Variants in ZFHX3 observed in about 807,000 individuals in gnomAD.
ZFHX3 encodes the protein zinc finger homeobox protein 3.
A neutral mutation model predicts 279.1 loss-of-function variants in ZFHX3; 42 were observed. That is an observed-to-expected ratio of 0.15 (90% CI 0.12 to 0.19). The LOEUF is 0.19. ZFHX3 is among the 10% of genes least tolerant of loss of function. The pLI is 1.00. For synonymous variants in ZFHX3, 2,293 were observed against 1,957.8 expected (o/e 1.17, Z -4.52); for missense variants, 4,981 against 4,754.0 (o/e 1.05, Z -1.40).
chr16:73,118,330 T>C (rs975271044), intron 7 of ZFHX3, among the ~76,000 whole-genome samples: 1 of 152,182 alleles, frequency 6.6e-6, no homozygotes, highest in Non-Finnish European at 1.5e-5. Flanking sequence ...TGCCTCAGCC[T>C]CCTGAATAGC....
Position 73,260,844 on chromosome 16 carries a change from G to A in ZFHX3, c.-1193-3708C>T, listed in dbSNP as rs560592568. Among the ~76,000 whole-genome samples the A allele has an allele frequency of 2.7e-3, 406 of 151,876 alleles. 4 individuals are homozygous for A. Among genetic ancestry groups the A allele is most frequent in the Non-Finnish European group, 2.9e-3 (195 of 67,944 alleles). On this transcript the variant is annotated intron_variant, in intron 4 of 17. Transcript: ENST00000641206. ...ATTACAGGCGCCCACCACCATACCC[G>A]GCTAATTTTTATATTTTTAGTAGAG...
chr16:72,871,572 C>A lies in ZFHX3; in HGVS notation c.3448+18159G>T, dbSNP rs988292253. On this transcript the variant is annotated intron_variant, in intron 4 of 9. Coordinates refer to ENST00000268489, the MANE Select transcript of ZFHX3 (RefSeq NM_006885.4). ...GGCCAGAATGGTCTTGATCTCCTGA[C>A]CTTATGATCCGCCTGCCTCAGCCTC... 4.6e-5 allele frequency among the ~76,000 whole-genome samples: 7 copies of A among 151,946 alleles called. No individual in the cohort carries two copies. The East Asian group carries it at 1.4e-3, about 30-fold the overall frequency.
chr16:73,249,733 T>C (rs141085813), intron 5 of ZFHX3, among the ~76,000 whole-genome samples: 144 of 152,040 alleles, frequency 9.5e-4, no homozygotes, highest in Middle Eastern at 6.8e-3. Flanking sequence ...AATTCTACTG[T>C]TGTATCTTCA....
chr16:72,970,521 G>C (rs1238791692), intron 1 of ZFHX3, among the ~76,000 whole-genome samples: 1 of 152,086 alleles, frequency 6.6e-6, no homozygotes, highest in South Asian at 2.1e-4. Flanking sequence ...CATAGAGCAC[G>C]GATCCCCTCC....
chr16:73,496,965 C>T (rs1360981977), intron 2 of ZFHX3, among the ~76,000 whole-genome samples: 2 of 152,192 alleles, frequency 1.3e-5, no homozygotes, highest in Non-Finnish European at 2.9e-5. Flanking sequence ...GGTTTCTGGG[C>T]TCTGTCCCAC....
chr16:73,275,176 T>G (rs1253100321), intron 4 of ZFHX3, among the ~76,000 whole-genome samples: 2 of 152,218 alleles, frequency 1.3e-5, no homozygotes, highest in Non-Finnish European at 2.9e-5. Flanking sequence ...CACTTGTTAC[T>G]TTGTATTTGT....
chr16:73,745,018 A>G (rs1252372426), intron 1 of ZFHX3, among the ~76,000 whole-genome samples: 1 of 152,204 alleles, frequency 6.6e-6, no homozygotes, highest in Non-Finnish European at 1.5e-5. Context: ...AAAAGGTCAT[A>G]TATTTAAACC....
chr16:73,642,666 C>T (rs967531767), intron 2 of ZFHX3, among the ~76,000 whole-genome samples: 4 of 152,170 alleles, frequency 2.6e-5, no homozygotes, highest in African/African-American at 9.7e-5. Context: ...CTCCTGCCCC[C>T]ACAACCTATA....
At chr16:73,681,546 T>G (rs2053010046) in intron 1 of ZFHX3, among the ~76,000 whole-genome samples, 1 of 152,140 alleles carries the variant, frequency 6.6e-6, no homozygotes, top group Non-Finnish European at 1.5e-5. Context: ...TAGAGCACGT[T>G]GAGGTTTGGG....
At chr16:73,392,951 C>CA (rs1326093689) in intron 3 of ZFHX3, among the ~76,000 whole-genome samples, 1 of 152,216 alleles carries the variant, frequency 6.6e-6, no homozygotes, top group African/African-American at 2.4e-5. Flanking sequence ...TCTCCCGCCT[C>CA]AGCCTCCTGA....
At chr16:73,804,563 TAAA>T (rs890722400) in intron 1 of ZFHX3, among the ~76,000 whole-genome samples, 15 of 152,224 alleles carry the variant, frequency 9.9e-5, no homozygotes, top group African/African-American at 3.6e-4. Flanking sequence ...CTCTATCCCT[TAAA>T]AAACAACAGC....
At chr16:73,246,180 A>T (rs2013274355) in intron 5 of ZFHX3, among the ~76,000 whole-genome samples, 1 of 152,160 alleles carries the variant, frequency 6.6e-6, no homozygotes, top group Non-Finnish European at 1.5e-5. Flanking sequence ...TGTTGATTCC[A>T]AGCCGCAGAG....
chr16:72,863,706 G>A (rs1224890647), intron 4 of ZFHX3, among the ~76,000 whole-genome samples: 1 of 151,940 alleles, frequency 6.6e-6, no homozygotes, highest in African/African-American at 2.4e-5. Flanking sequence ...GGGTCTGCTG[G>A]TTCATACTCT....
chr16:73,527,357 T>C (rs886684670), intron 2 of ZFHX3, among the ~76,000 whole-genome samples: 2 of 152,294 alleles, frequency 1.3e-5, no homozygotes, highest in Non-Finnish European at 2.9e-5. Context: ...TTGAGACAGG[T>C]TGTGTCTATG....
chr16:73,123,029 T>A (rs115473144), intron 7 of ZFHX3, among the ~76,000 whole-genome samples: 10 of 151,910 alleles, frequency 6.6e-5, no homozygotes, highest in African/African-American at 1.7e-4. Context: ...TTCAGTCTGG[T>A]GGTAACAGGC....
chr16:72,995,014 G>A lies in ZFHX3; in HGVS notation c.-49-34820C>T, dbSNP rs545659169. Among the ~76,000 whole-genome samples, 13 of 152,314 alleles carry A rather than the reference G, an allele frequency of 8.5e-5. No homozygotes were observed. The South Asian group carries it at 2.7e-3, about 32-fold the overall frequency. The stretch of plus-strand genomic sequence containing the variant: ...TTCCTGATCACCAGGGGAATCCTCA[G>A]CCTTCCCCGTAATCTGCTCCTAACG... On this transcript the variant is annotated intron_variant, in intron 1 of 9. Coordinates refer to ENST00000268489, the MANE Select transcript of ZFHX3 (RefSeq NM_006885.4).
chr16:72,889,805 T>C lies in ZFHX3; in HGVS notation c.3374A>G (p.Gln1125Arg). The C allele has an allele frequency of 6.2e-7, 1 of 1,613,774 alleles. No homozygotes were observed. The highest frequency in any genetic ancestry group is 8.5e-7 in the Non-Finnish European group (1 of 1,180,044). ...SESLRKLQRL[Q>R]KGLPEEDEDL... ...CTCGTCCTCCTCTGGAAGGCCCTTC[T>C]GCAGCCGCTGCAGCTTTCGCAGGCT... is the stretch of plus-strand genomic sequence containing the variant. The change falls in exon 4 of 10, where the codon CAG (glutamine) becomes CGG (arginine). Residue 1125 changes from glutamine (Q) to arginine (R), a missense_variant. Gln to Arg is a conservative substitution (Grantham distance 43). Transcript: ENST00000268489.
chr16:73,046,269 T>G (rs1345490057), intron 1 of ZFHX3, among the ~76,000 whole-genome samples: 1 of 152,172 alleles, frequency 6.6e-6, no homozygotes, highest in East Asian at 1.9e-4. Flanking sequence ...CCCTCACACC[T>G]CACTTTTGCC....
At chr16:73,635,442 G>A (rs1293244358) in intron 2 of ZFHX3, among the ~76,000 whole-genome samples, 4 of 152,176 alleles carry the variant, frequency 2.6e-5, no homozygotes, top group Non-Finnish European at 4.4e-5. Context: ...AAACACACAC[G>A]TATGCACCCA....
Sources: gnomAD v4.1 joint callset for allele counts (sites outside exome capture counted in the v4.1 genomes callset) on GRCh38, gnomAD v4.1.1 for gene constraint, MANE v1.5 for transcripts, NCBI Gene and HGNC (gene_info 2026-07-23, HGNC 2026-07-21) for gene names.